DTNB: variants seen among roughly 807,000 people sequenced by gnomAD.
DTNB encodes the protein dystrobrevin beta, also known as DTN-B.
A neutral mutation model predicts 90.7 loss-of-function variants in DTNB; 63 were observed. The observed-to-expected ratio is 0.69, with a 90% CI of 0.57 to 0.86. The LOEUF (loss-of-function observed/expected upper bound fraction) is 0.86, where lower values mean the gene tolerates loss of function less well. DTNB is among the 40% of genes least tolerant of loss of function. The probability of loss-of-function intolerance (pLI) is 0.00; values close to 1 mark genes in which losing one functional copy is unlikely to be tolerated. For missense variants in DTNB, 744 were observed against 807.1 expected, an observed-to-expected ratio of 0.92 and a Z score of 0.95; for synonymous variants, 277 against 286.7, an observed-to-expected ratio of 0.97 and a Z score of 0.34.
At chr2:25,576,760 T>G in intron 8 of DTNB, 78 bp downstream of exon 8, 1 of 1,438,284 alleles carries the variant, frequency 7.0e-7, no homozygotes, top group Non-Finnish European at 9.2e-7. Context: ...TAGGCATCCA[T>G]GAGGAAACTG....
chr2:25,491,209 C>T (rs956151033), intron 9 of DTNB, among the ~76,000 whole-genome samples: 6 of 150,788 alleles, frequency 4.0e-5, no homozygotes, highest in African/African-American at 9.8e-5. Flanking sequence ...GGGGAGGGAA[C>T]GAGGGAGGAG....
intron 9 of DTNB, among the ~76,000 whole-genome samples, chr2:25,506,953 T>A (rs898916649): frequency 6.6e-6 from 1 of 152,130 alleles, no homozygotes; most frequent in African/African-American, 2.4e-5. Flanking sequence ...CAAAAAAGTC[T>A]CATGTGTTTA....
At chr2:25,652,837 A>G in intron 1 of DTNB, 176 bp from the exon 2 acceptor site, 1 of 523,126 alleles carries the variant, frequency 1.9e-6, no homozygotes, top group South Asian at 3.3e-5. Flanking sequence ...CCATCCTTTT[A>G]TTTGATAGCT....
chr2:25,459,482 T>A (rs1035132904), intron 10 of DTNB, among the ~76,000 whole-genome samples: 4 of 152,062 alleles, frequency 2.6e-5, no homozygotes, highest in Non-Finnish European at 5.9e-5. Context: ...AGAGGTGACA[T>A]ATGGTTTTAT....
At chr2:25,419,418 G>A in intron 16 of DTNB, 97 bp downstream of exon 16, 1 of 1,530,246 alleles carries the variant, frequency 6.5e-7, no homozygotes, top group Middle Eastern at 1.7e-4. Context: ...CCTCTTCAGA[G>A]ATGATGTGCG....
rs373298128 is a variant in DTNB, at chr2:25,455,372, G to A, written c.1169+33C>T. 244 of 1,555,968 alleles carry A rather than the reference G, an allele frequency of 1.6e-4. 1 individual carries two copies. Among genetic ancestry groups the A allele is most frequent in the Middle Eastern group, 1.0e-3 (6 of 5,974 alleles). ...AAGCTCTCCCTCCCTCTGATCACCC[G>A]TGGCTACCCACTGCTGCTGCACCAC... On this transcript the variant is annotated intron_variant, in intron 11 of 20. Transcript: ENST00000406818.
Position 25,607,151 on chromosome 2 carries a change from A to G in DTNB, c.448+85T>C, listed in dbSNP as rs991271090. 4.9e-6 allele frequency: 7 copies of G among 1,441,462 alleles called. No individual in the cohort carries two copies. The Admixed American group carries it at 8.1e-5, about 17-fold the overall frequency. 89.3% of individuals were successfully genotyped at this position (1,441,462 alleles called of 1,614,324 possible). ...ATGGTAATTTTTTTAAAAGCTCAAT[A>G]TAACATCATTCAAAATTCTGACAAT... On this transcript the variant is annotated intron_variant, in intron 5 of 20. Coordinates refer to ENST00000406818, the MANE Select transcript of DTNB (RefSeq NM_021907.5).
intron 8 of DTNB, 129 bp from the exon 9 acceptor site, chr2:25,531,726 C>A: frequency 7.8e-7 from 1 of 1,279,828 alleles, no homozygotes. Flanking sequence ...TTCATTACAT[C>A]AATATCATTG....
At chr2:25,475,430 G>A (rs1483193703) in intron 10 of DTNB, among the ~76,000 whole-genome samples, 2 of 152,230 alleles carry the variant, frequency 1.3e-5, no homozygotes, top group East Asian at 1.9e-4. Flanking sequence ...TGCAGAAGAA[G>A]AGCTGGAAGC....
chr2:25,563,444 T>A (rs936130367), intron 8 of DTNB, among the ~76,000 whole-genome samples: 13 of 152,212 alleles, frequency 8.5e-5, no homozygotes, highest in African/African-American at 3.1e-4. Context: ...AGCACCAAAA[T>A]CTTTAATTTT....
At chr2:25,599,383 C>T (rs1386667066) in intron 5 of DTNB, among the ~76,000 whole-genome samples, 1 of 151,578 alleles carries the variant, frequency 6.6e-6, no homozygotes, top group Non-Finnish European at 1.5e-5. Flanking sequence ...ACTTTGTTGC[C>T]CAGGCTGGAG....
chr2:25,418,660 C>T (rs1034192743), intron 16 of DTNB, among the ~76,000 whole-genome samples: 2 of 150,894 alleles, frequency 1.3e-5, no homozygotes, highest in Admixed American at 6.6e-5. Flanking sequence ...GATCATGCCA[C>T]TGTACTCTGG....
Position 25,387,312 on chromosome 2 carries a change from G to A in DTNB, c.1802C>T (p.Ser601Phe), listed in dbSNP as rs1236193367. ...ACCTGAATGGAGCTCCTTCACCAGG[G>A]ATGACATGGTGTTGGTGATGGAGTC... ...AADSITNTMS[S>F]LVKELHSAEE... is the part of the protein sequence containing the mutation. Residue 601 changes from serine to phenylalanine, a missense_variant, in exon 18 of 21, where the codon TCC (serine) becomes TTC (phenylalanine). By Grantham distance (155) the Ser-to-Phe change is radical. Coordinates refer to ENST00000406818, the MANE Select transcript of DTNB (RefSeq NM_021907.5). The surrounding 1 kb of genome is among the most constrained non-coding windows in gnomAD (Gnocchi z 4.5). The A allele has an allele frequency of 6.2e-7, 1 of 1,611,336 alleles. No individual in the cohort carries two copies. Among genetic ancestry groups the A allele is most frequent in the South Asian group, 1.1e-5 (1 of 90,950 alleles).
At chr2:25,544,834 CT>C (rs2082084432) in intron 8 of DTNB, among the ~76,000 whole-genome samples, 1 of 152,228 alleles carries the variant, frequency 6.6e-6, no homozygotes, top group South Asian at 2.1e-4. Flanking sequence ...ATCAATTCCA[CT>C]TTGCACTATT....
At chr2:25,377,750 A>G (rs1233457819) in intron 20 of DTNB, among the ~76,000 whole-genome samples, 197 bp from the exon 21 acceptor site, 1 of 152,162 alleles carries the variant, frequency 6.6e-6, no homozygotes, top group Non-Finnish European at 1.5e-5. Context: ...TTTCCGTGGA[A>G]GAAAGAATTG....
intron 8 of DTNB, among the ~76,000 whole-genome samples, chr2:25,546,336 T>C (rs1268327660): frequency 1.3e-5 from 2 of 152,246 alleles, no homozygotes; most frequent in East Asian, 1.9e-4. Flanking sequence ...GTGTGCAAAC[T>C]GTTCACTAGA....
chr2:25,398,060 C>A lies in DTNB; in HGVS notation c.1576-9699G>T, dbSNP rs72812116. On this transcript the variant is annotated intron_variant, in intron 16 of 20. Transcript: ENST00000406818. ...AGAGTCATAGGACCCAGGTGAACAT[C>A]CAGGCTGCTTCATAACAGCATGACA... 4.5e-3 allele frequency among the ~76,000 whole-genome samples: 682 copies of A among 152,258 alleles called. 7 individuals carry two copies. Among genetic ancestry groups the A allele is most frequent in the Non-Finnish European group, 8.0e-3 (547 of 68,020 alleles).
chr2:25,607,375 C>T (rs1196110151), intron 4 of DTNB, 54 bp from the exon 5 acceptor site: 20 of 1,518,662 alleles, frequency 1.3e-5, no homozygotes, highest in Middle Eastern at 1.7e-4. Context: ...CAAAAGGACT[C>T]GAATGTATCA....
At chr2:25,440,016 A>G (rs1178041489) in intron 12 of DTNB, among the ~76,000 whole-genome samples, 1 of 152,204 alleles carries the variant, frequency 6.6e-6, no homozygotes, top group Non-Finnish European at 1.5e-5. Context: ...TCAAAGCATT[A>G]TGTTCACACC....
Sources: gnomAD v4.1 joint callset for allele counts (sites outside exome capture counted in the v4.1 genomes callset) on GRCh38, gnomAD v4.1.1 for gene constraint, Gnocchi (gnomAD v3.1) non-coding constraint, MANE v1.5 for transcripts, NCBI Gene and HGNC (gene_info 2026-07-23, HGNC 2026-07-21) for gene names.